The following AHI1 variants were observed in gnomAD, a reference collection of about 807,000 sequenced individuals.
AHI1 encodes the protein jouberin.
AHI1 carries 123 observed loss-of-function variants against 149.3 expected under a neutral mutation model. The observed-to-expected ratio is 0.82, with a 90% CI of 0.71 to 0.96. The LOEUF is 0.96. Ranked by LOEUF, AHI1 falls within the 40% of genes least tolerant of loss-of-function variation. The pLI, the probability that AHI1 is intolerant of heterozygous loss-of-function variation, is 0.00. For synonymous variants in AHI1, 475 were observed against 459.8 expected (o/e 1.03, Z -0.42); for missense variants, 1,439 against 1,422.7 (o/e 1.01, Z -0.18).
chr6:135,460,902 T>C (rs1319764085), intron 8 of AHI1, among the ~76,000 whole-genome samples: 1 of 152,174 alleles, frequency 6.6e-6, no homozygotes, highest in East Asian at 1.9e-4. Flanking sequence ...CTGCTTCCTA[T>C]CATAAACATA....
chr6:135,448,586 A>G (rs1354452545), intron 11 of AHI1, 111 bp from the exon 12 acceptor site: 1 of 850,214 alleles, frequency 1.2e-6, no homozygotes. Flanking sequence ...GGCATGCTGA[A>G]ATTTCTTAGT....
intron 23 of AHI1, among the ~76,000 whole-genome samples, chr6:135,382,677 C>A (rs1776929343): frequency 6.6e-6 from 1 of 151,766 alleles, no homozygotes; most frequent in South Asian, 2.1e-4. Flanking sequence ...ATTTCCAGAG[C>A]TTTCAGTAGA....
At chr6:135,332,017 G>T (rs73559923) in intron 24 of AHI1, among the ~76,000 whole-genome samples, 2 of 151,308 alleles carry the variant, frequency 1.3e-5, no homozygotes, top group African/African-American at 4.9e-5. Context: ...TCTTTAAAGA[G>T]TGTTGGACCT....
At chr6:135,490,399 G>C in intron 5 of AHI1, 1 of 638,600 alleles carries the variant, frequency 1.6e-6, no homozygotes, top group Non-Finnish European at 2.8e-6. Context: ...TTTCCCCACT[G>C]TGTGTGTGTT....
At chr6:135,333,469 T>C (rs1788904983) in intron 24 of AHI1, among the ~76,000 whole-genome samples, 1 of 152,114 alleles carries the variant, frequency 6.6e-6, no homozygotes, top group East Asian at 1.9e-4. Context: ...AAGATATTTA[T>C]AAAAAAGAAA....
intron 22 of AHI1, among the ~76,000 whole-genome samples, chr6:135,398,011 G>C (rs1358971172): frequency 3.3e-5 from 5 of 149,590 alleles, no homozygotes; most frequent in Admixed American, 6.6e-5. Context: ...TAATCTGATG[G>C]CAGTTCTGGT....
At chr6:135,487,540 AT>A (rs1046281662) in intron 5 of AHI1, among the ~76,000 whole-genome samples, 1 of 152,148 alleles carries the variant, frequency 6.6e-6, no homozygotes, top group Non-Finnish European at 1.5e-5. Context: ...CATCAAAAAA[AT>A]TTTTAACTGA....
intron 24 of AHI1, among the ~76,000 whole-genome samples, chr6:135,331,874 C>T (rs1012089854): frequency 5.3e-5 from 8 of 152,040 alleles, no homozygotes; most frequent in African/African-American, 1.7e-4. Context: ...TTTCAGACTC[C>T]GGGCTTCCAG....
chr6:135,349,274 C>T (rs1157449666), intron 24 of AHI1, among the ~76,000 whole-genome samples: 3 of 152,226 alleles, frequency 2.0e-5, no homozygotes, highest in African/African-American at 7.2e-5. Context: ...TGCGCCACCA[C>T]ACCTGCCCCT....
intron 24 of AHI1, among the ~76,000 whole-genome samples, chr6:135,345,388 A>C (rs113954693): frequency 0.012 from 1,878 of 152,358 alleles, 11 homozygotes; most frequent in Non-Finnish European, 0.02. Context: ...TCACAGAGTA[A>C]TATTCATGGT....
chr6:135,391,204 A>G (rs1307466639), intron 23 of AHI1, among the ~76,000 whole-genome samples: 1 of 152,200 alleles, frequency 6.6e-6, no homozygotes, highest in Non-Finnish European at 1.5e-5. Context: ...AAAGAAAAAA[A>G]TACATTTTAG....
chr6:135,394,701 GA>G (rs1562658762), intron 23 of AHI1, 74 bp downstream of exon 23: 1 of 1,563,930 alleles, frequency 6.4e-7, no homozygotes. Flanking sequence ...TATTTCTAAA[GA>G]AATAAGTGAT....
chr6:135,451,080 T>C (rs1028046051), intron 11 of AHI1, among the ~76,000 whole-genome samples: 1 of 152,046 alleles, frequency 6.6e-6, no homozygotes, highest in Non-Finnish European at 1.5e-5. Flanking sequence ...CACTACAACT[T>C]CCATTCCCTG....
Position 135,376,513 on chromosome 6 carries a change from T to C in AHI1, c.3109+18263A>G, listed in dbSNP as rs79657918. Among the ~76,000 whole-genome samples, 132 of 152,266 alleles carry C rather than the reference T, an allele frequency of 8.7e-4. No homozygotes were observed. The East Asian group carries it at 0.022, about 26-fold the overall frequency. The stretch of plus-strand genomic sequence containing the variant: ...ACATGTACTTTGTAGATTTTTTTTA[T>C]AGTATTTTTGCCAAAAAAGTTTAGC... On this transcript the variant is annotated intron_variant, in intron 23 of 28. Transcript: ENST00000265602.
Position 135,284,652 on chromosome 6 carries a change from T to G in AHI1, c.*993A>C, listed in dbSNP as rs1217359132. 6.6e-6 allele frequency: 1 copy of G among 152,026 alleles called. No individual in the cohort carries two copies. Among genetic ancestry groups the G allele is most frequent in the Non-Finnish European group, 1.5e-5 (1 of 67,996 alleles). The allele number at this position is 152,026 out of a possible 1,614,324, so 9.4% of individuals were successfully genotyped here. A position where few individuals can be genotyped will look rare whatever the true frequency, so the allele number is the denominator to read the frequency against. On this transcript the variant is annotated 3_prime_UTR_variant, in exon 29 of 29. Transcript: ENST00000265602. ...TAAAATAAATATTAAACAATGTAAG[T>G]CTACAAAATAGGTATGTGCTTAAAT...
At chr6:135,438,311 A>T in intron 15 of AHI1, 64 bp downstream of exon 15, 1 of 1,421,848 alleles carries the variant, frequency 7.0e-7, no homozygotes, top group Non-Finnish European at 9.4e-7. Flanking sequence ...ACATCAGTTT[A>T]TATTCTCTTT....
At chr6:135,475,575 C>G (rs1286007583) in intron 5 of AHI1, among the ~76,000 whole-genome samples, 1 of 152,184 alleles carries the variant, frequency 6.6e-6, no homozygotes, top group Non-Finnish European at 1.5e-5. Flanking sequence ...ACTGAATGCT[C>G]TGCCTCTACA....
At chr6:135,316,498 C>T (rs1283749970) in intron 26 of AHI1, among the ~76,000 whole-genome samples, 1 of 152,124 alleles carries the variant, frequency 6.6e-6, no homozygotes, top group Non-Finnish European at 1.5e-5. Flanking sequence ...CTTCGACAAC[C>T]TAACTGCTTG....
At chr6:135,363,523 C>T (rs1212539236) in intron 23 of AHI1, among the ~76,000 whole-genome samples, 163 of 152,340 alleles carry the variant, frequency 1.1e-3, no homozygotes, top group Non-Finnish European at 1.7e-3. Context: ...TTCTACAAAA[C>T]CGCCATTGTC....
Sources: gnomAD v4.1 joint callset for allele counts (sites outside exome capture counted in the v4.1 genomes callset) on GRCh38, gnomAD v4.1.1 for gene constraint, MANE v1.5 for transcripts, NCBI Gene and HGNC (gene_info 2026-07-23, HGNC 2026-07-21) for gene names.